Variants in LRRFIP2 observed in about 807,000 individuals in gnomAD.
LRRFIP2 encodes leucine-rich repeat flightless-interacting protein 2.
Under a neutral mutation model 125.9 loss-of-function variants are expected in LRRFIP2, and 109 were observed. The observed-to-expected ratio is 0.87, with a 90% CI of 0.74 to 1.01. The LOEUF (loss-of-function observed/expected upper bound fraction) is 1.01, where lower values mean the gene tolerates loss of function less well. LRRFIP2 is among the 50% of genes least tolerant of loss of function. LRRFIP2 has a pLI of 0.00. For synonymous variants in LRRFIP2, 291 were observed against 293.1 expected (o/e 0.99, Z 0.07); for missense variants, 850 against 862.3 (o/e 0.99, Z 0.18).
chr3:37,108,580 A>G (rs45517538), intron 12 of LRRFIP2, 57 bp downstream of exon 12: 1 of 1,407,404 alleles, frequency 7.1e-7, no homozygotes, highest in African/African-American at 1.4e-5. Flanking sequence ...CTTTGAAAGT[A>G]AACTGTGCCC....
At chr3:37,072,638 C>T (rs893336311) in intron 21 of LRRFIP2, 152 bp downstream of exon 21, 10 of 441,932 alleles carry the variant, frequency 2.3e-5, no homozygotes, top group African/African-American at 2.0e-4. Context: ...TCAGGTTTTC[C>T]TATGGAAGTC....
Position 37,066,334 on chromosome 3 carries a change from A to C in LRRFIP2, c.1465-9T>G, listed in dbSNP as rs1371796477. ...TTCTGTTTCTCTAGGGCCTGGTTTTAGGTAAGGTAGCAAGGGAAACAATGG... is the reference window on the plus strand; with the variant it reads ...TTCTGTTTCTCTAGGGCCTGGTTTTCGGTAAGGTAGCAAGGGAAACAATGG... On this transcript the variant is annotated splice_polypyrimidine_tract_variant and intron_variant, in intron 21 of 27. Coordinates refer to ENST00000336686, the MANE Select transcript of LRRFIP2 (RefSeq NM_006309.4). 1 of 1,608,266 alleles carries C rather than the reference A, an allele frequency of 6.2e-7. No individual in the cohort carries two copies. Among genetic ancestry groups the C allele is most frequent in the Non-Finnish European group, 8.5e-7 (1 of 1,174,666 alleles).
upstream of LRRFIP2, chr3:37,174,585 CCTTCATTTAT>C (rs1476199848): frequency 6.6e-6 from 1 of 151,998 alleles, no homozygotes; most frequent in African/African-American, 2.4e-5. Flanking sequence ...CATCTAGACC[CCTTCATTTAT>C]CTTCCCACAT....
intron 6 of LRRFIP2, among the ~76,000 whole-genome samples, chr3:37,116,203 C>T (rs1332566510): frequency 6.6e-6 from 1 of 152,114 alleles, no homozygotes; most frequent in Non-Finnish European, 1.5e-5. Flanking sequence ...TAGTTCACCG[C>T]AACATCGAAC....
intron 19 of LRRFIP2, among the ~76,000 whole-genome samples, chr3:37,076,504 A>G (rs553234925): frequency 6.6e-6 from 1 of 150,768 alleles, no homozygotes; most frequent in African/African-American, 2.4e-5. Flanking sequence ...CTCCAGCCTG[A>G]CGACGGAGTG....
chr3:37,159,563 G>A (rs141914169), intron 1 of LRRFIP2, among the ~76,000 whole-genome samples: 1 of 152,196 alleles, frequency 6.6e-6, no homozygotes, highest in African/African-American at 2.4e-5. Flanking sequence ...TTGGAGTGCA[G>A]TGGTGCGATC....
At chr3:37,172,259 A>C (rs1391452098) in intron 1 of LRRFIP2, among the ~76,000 whole-genome samples, 2 of 152,236 alleles carry the variant, frequency 1.3e-5, no homozygotes, top group Non-Finnish European at 2.9e-5. Context: ...GGCTAAAAAC[A>C]ACCTAAATAT....
At chr3:37,106,476 C>T (rs542532475) in intron 13 of LRRFIP2, among the ~76,000 whole-genome samples, 10 of 152,124 alleles carry the variant, frequency 6.6e-5, no homozygotes, top group Admixed American at 3.9e-4. Context: ...AAATGAAATA[C>T]GATCTAGCCA....
intron 1 of LRRFIP2, among the ~76,000 whole-genome samples, chr3:37,171,728 G>A (rs1266199918): frequency 1.3e-5 from 2 of 152,100 alleles, no homozygotes; most frequent in African/African-American, 4.8e-5. Flanking sequence ...GAAAAAAGGA[G>A]GTAGATTATT....
chr3:37,064,727 T>C (rs1007463438), intron 23 of LRRFIP2: 1 of 152,150 alleles, frequency 6.6e-6, no homozygotes, highest in African/African-American at 2.4e-5. Flanking sequence ...GCTGAGGAGA[T>C]ACCATGGTTC....
chr3:37,083,661 T>C lies in LRRFIP2; in HGVS notation c.1253A>G (p.Tyr418Cys), dbSNP rs919047183. 3 of 1,564,068 alleles carry C rather than the reference T, an allele frequency of 1.9e-6. No individual in the cohort carries two copies. Among genetic ancestry groups the C allele is most frequent in the African/African-American group, 2.8e-5 (2 of 71,322 alleles). The stretch of plus-strand genomic sequence containing the variant: ...CTTTGATTTTTCTTCATTTTCTCTA[T>C]AAAATTCTGCCATCTGTTCCTCCTG... ...EEQEEQMAEF[Y>C]RENEEKSKEL... is the part of the protein sequence containing the mutation. The change falls in exon 19 of 28, where the codon TAT (tyrosine) becomes TGT (cysteine). Residue 418 changes from tyrosine (Y) to cysteine (C), a missense_variant. Coordinates refer to ENST00000336686, the MANE Select transcript of LRRFIP2 (RefSeq NM_006309.4).
At position 37,108,145 on chromosome 3, in the gene LRRFIP2, G is replaced by T; in HGVS notation, c.658-16C>A. Reference sequence around the variant, plus strand: ...ATTCAGATGGCTATAAAGTTTCCAAGAAGAAAGGTTTTACAACAATGATCA... The same window carrying T: ...ATTCAGATGGCTATAAAGTTTCCAATAAGAAAGGTTTTACAACAATGATCA... On this transcript the variant is annotated splice_polypyrimidine_tract_variant and intron_variant, in intron 12 of 27. Transcript: ENST00000336686. The T allele has an allele frequency of 6.2e-7, 1 of 1,606,066 alleles. No individual in the cohort carries two copies. The highest frequency in any genetic ancestry group is 8.5e-7 in the Non-Finnish European group (1 of 1,172,868).
At chr3:37,174,945 C>G (rs2096637205), upstream of LRRFIP2, 1 of 152,168 alleles carries the variant, frequency 6.6e-6, no homozygotes. Context: ...AGGTCATTAT[C>G]TCTGCATCTG....
chr3:37,079,956 G>A (rs1428937094), intron 19 of LRRFIP2, among the ~76,000 whole-genome samples: 1 of 152,102 alleles, frequency 6.6e-6, no homozygotes, highest in African/African-American at 2.4e-5. Flanking sequence ...AGGGTATATG[G>A]TTTCTTTCTG....
In LRRFIP2 at chr3:37,105,499, T is replaced by TG; in HGVS notation, c.738dup (p.Ile247HisfsTer5). The TG allele has an allele frequency of 6.2e-7, 1 of 1,613,832 alleles. No homozygotes were observed. Among genetic ancestry groups the TG allele is most frequent in the Middle Eastern group, 1.7e-4 (1 of 6,060 alleles). On this transcript the variant is annotated frameshift_variant, in exon 14 of 28. Coordinates refer to ENST00000336686, the MANE Select transcript of LRRFIP2 (RefSeq NM_006309.4). LOFTEE classifies it high-confidence loss of function. The stretch of plus-strand genomic sequence containing the variant: ...CGACTGGCACGATCAGAAGACACAA[T>TG]GCTTGCAGTGTCATCGTTGGTAAAC...
rs997664903 is a variant in LRRFIP2 at position 37,060,904 on chromosome 3, T to C, written c.1750-1994A>G. Among the ~76,000 whole-genome samples the C allele has an allele frequency of 3.3e-5, 5 of 152,174 alleles. No individual in the cohort carries two copies. The highest frequency in any genetic ancestry group is 3.3e-4 in the Admixed American group (5 of 15,284). ...TTACAAATGATCTCTCAATTTCTGG[T>C]ATATCTCCTCTTACGGTTTGGATGT... On this transcript the variant is annotated intron_variant, in intron 24 of 27. Coordinates refer to ENST00000336686, the MANE Select transcript of LRRFIP2 (RefSeq NM_006309.4). The surrounding 1 kb of genome is among the most constrained non-coding windows in gnomAD (Gnocchi z 4.1).
At chr3:37,156,230 A>G (rs1053291270) in intron 1 of LRRFIP2, among the ~76,000 whole-genome samples, 5 of 152,118 alleles carry the variant, frequency 3.3e-5, no homozygotes, top group African/African-American at 1.2e-4. Context: ...CTGTAATCCC[A>G]GCACTCTGCG....
chr3:37,085,237 C>T (rs912125682), intron 18 of LRRFIP2, among the ~76,000 whole-genome samples: 4 of 152,118 alleles, frequency 2.6e-5, no homozygotes, highest in South Asian at 2.1e-4. Context: ...CAGCCGGGTG[C>T]GGTGCCTCAT....
intron 2 of LRRFIP2, among the ~76,000 whole-genome samples, chr3:37,134,505 A>T (rs1434551700): frequency 6.6e-6 from 1 of 152,192 alleles, no homozygotes; most frequent in Non-Finnish European, 1.5e-5. Context: ...CAAAGTTGTC[A>T]TGAGAGTCGT....
Sources: gnomAD v4.1 joint callset for allele counts (sites outside exome capture counted in the v4.1 genomes callset) on GRCh38, gnomAD v4.1.1 for gene constraint, Gnocchi (gnomAD v3.1) non-coding constraint, MANE v1.5 for transcripts, NCBI Gene and HGNC (gene_info 2026-07-23, HGNC 2026-07-21) for gene names.